HDAC9: variants seen among roughly 807,000 people sequenced by gnomAD.
HDAC9 encodes histone deacetylase 9, also known as MEF-2 interacting transcription repressor (MITR) protein.
HDAC9 carries 41 observed loss-of-function variants against 139.4 expected under a neutral mutation model. The ratio of observed to expected loss-of-function variants is 0.29; its 90% CI spans 0.23 to 0.38. HDAC9 has a LOEUF of 0.38. HDAC9 is among the 10% of genes least tolerant of loss of function. The pLI, the probability that HDAC9 is intolerant of heterozygous loss-of-function variation, is 1.00. For synonymous variants in HDAC9, 517 were observed against 476.2 expected, an observed-to-expected ratio of 1.09 and a Z score of -1.12; for missense variants, 1,147 against 1,297.0, an observed-to-expected ratio of 0.88 and a Z score of 1.78.
intron 15 of HDAC9, among the ~76,000 whole-genome samples, chr7:18,764,668 G>C (rs543649426): frequency 6.6e-6 from 1 of 152,190 alleles, no homozygotes; most frequent in African/African-American, 2.4e-5. Context: ...CCGGATTGAA[G>C]CTGCCATATG....
chr7:18,904,819 C>T, intron 22 of HDAC9, among the ~76,000 whole-genome samples: 1 of 152,086 alleles, frequency 6.6e-6, no homozygotes, highest in Non-Finnish European at 1.5e-5. Flanking sequence ...TCGTGATCCG[C>T]CCGCCTCGGC....
At chr7:18,589,754 T>C (rs918186035) in intron 3 of HDAC9, among the ~76,000 whole-genome samples, 1 of 152,172 alleles carries the variant, frequency 6.6e-6, no homozygotes, top group African/African-American at 2.4e-5. Flanking sequence ...TGAGAGACTA[T>C]ATGTATATAA....
chr7:18,338,010 T>C (rs1273246041), intron 1 of HDAC9, among the ~76,000 whole-genome samples: 1 of 151,758 alleles, frequency 6.6e-6, no homozygotes, highest in African/African-American at 2.4e-5. Flanking sequence ...TTGAAAAGTA[T>C]AGAGCACTGT....
chr7:18,435,057 G>GA (rs1482854301), intron 1 of HDAC9, among the ~76,000 whole-genome samples: 1 of 17,292 alleles, frequency 5.8e-5, no homozygotes, highest in Non-Finnish European at 1.1e-4. Context: ...ATACTACACA[G>GA]CCAAAAAAAA....
intron 2 of HDAC9, among the ~76,000 whole-genome samples, chr7:18,259,350 T>C (rs541021109): frequency 6.6e-6 from 1 of 152,152 alleles, no homozygotes; most frequent in East Asian, 1.9e-4. Flanking sequence ...ATTTTATTGA[T>C]ATATGAAGAC....
chr7:18,448,418 A>G (rs567248685), intron 1 of HDAC9, among the ~76,000 whole-genome samples: 37 of 152,298 alleles, frequency 2.4e-4, no homozygotes, highest in African/African-American at 8.4e-4. Flanking sequence ...AAAAAATATC[A>G]CCTTTGATCC....
chr7:18,556,548 A>T (rs1818870368), intron 2 of HDAC9, among the ~76,000 whole-genome samples: 1 of 152,084 alleles, frequency 6.6e-6, no homozygotes, highest in Non-Finnish European at 1.5e-5. Context: ...AATAATGTCT[A>T]TTGAATTTTC....
At chr7:18,741,115 C>G (rs906889165) in intron 13 of HDAC9, among the ~76,000 whole-genome samples, 1 of 152,146 alleles carries the variant, frequency 6.6e-6, no homozygotes, top group African/African-American at 2.4e-5. Flanking sequence ...GAAGCTACAA[C>G]ACGTTTTCCA....
intron 2 of HDAC9, among the ~76,000 whole-genome samples, chr7:18,272,962 C>CTAT (rs1796459969): frequency 7.1e-6 from 1 of 141,560 alleles, no homozygotes; most frequent in Non-Finnish European, 1.6e-5. Context: ...ACTACTACTA[C>CTAT]TACTATTTCT....
At chr7:18,332,542 G>A (rs955878339) in intron 1 of HDAC9, among the ~76,000 whole-genome samples, 2 of 151,524 alleles carry the variant, frequency 1.3e-5, no homozygotes, top group Non-Finnish European at 3.0e-5. Context: ...AATAAAAGAG[G>A]GGATGCATTG....
At chr7:18,965,523 G>C (rs1456223101) in intron 24 of HDAC9, among the ~76,000 whole-genome samples, 2 of 152,186 alleles carry the variant, frequency 1.3e-5, no homozygotes, top group African/African-American at 2.4e-5. Context: ...TAATTTATTT[G>C]CAGGTGCAGG....
intron 11 of HDAC9, among the ~76,000 whole-genome samples, chr7:18,663,351 C>T (rs1368068775): frequency 6.6e-6 from 1 of 151,972 alleles, no homozygotes; most frequent in East Asian, 1.9e-4. Flanking sequence ...ACAGAAGAGT[C>T]TTTTTACTTG....
chr7:18,421,281 T>TTTCCAAAATCTTTTA (rs1789590987), intron 1 of HDAC9, among the ~76,000 whole-genome samples: 1 of 152,068 alleles, frequency 6.6e-6, no homozygotes, highest in Non-Finnish European at 1.5e-5. Flanking sequence ...AAAACACTTC[T>TTTCCAAAATCTTTTA]TTCCAAAATC....
chr7:18,426,478 G>C lies in HDAC9; in HGVS notation c.-41-69784G>C, dbSNP rs540648662. On this transcript the variant is annotated intron_variant, in intron 1 of 3. Coordinates refer to the HDAC9 transcript ENST00000413509. The stretch of plus-strand genomic sequence containing the variant: ...CTATATAATTTACAATTGAATTGGC[G>C]CAAATTATTTACATACATTGAGGGC... Among the ~76,000 whole-genome samples the C allele has an allele frequency of 2.0e-5, 3 of 152,220 alleles. No homozygotes were observed. The South Asian group carries it at 6.2e-4, about 32-fold the overall frequency.
chr7:18,535,884 C>T (rs754952186), intron 2 of HDAC9, among the ~76,000 whole-genome samples: 2 of 152,022 alleles, frequency 1.3e-5, no homozygotes, highest in Admixed American at 6.5e-5. Context: ...TGAAACTCTA[C>T]AATAAAGAGG....
chr7:18,462,693 T>A (rs1793953983), intron 1 of HDAC9, among the ~76,000 whole-genome samples: 1 of 152,080 alleles, frequency 6.6e-6, no homozygotes, highest in Non-Finnish European at 1.5e-5. Context: ...TGATTCACAA[T>A]GTCGTTTATA....
intron 1 of HDAC9, among the ~76,000 whole-genome samples, chr7:18,160,160 A>C (rs1293232873): frequency 6.6e-6 from 1 of 152,230 alleles, no homozygotes; most frequent in African/African-American, 2.4e-5. Context: ...AAGATGAAAA[A>C]GATTTTTTAA....
At chr7:18,443,703 A>C (rs1157219364) in intron 1 of HDAC9, among the ~76,000 whole-genome samples, 4 of 152,110 alleles carry the variant, frequency 2.6e-5, no homozygotes, top group Non-Finnish European at 5.9e-5. Context: ...TTTGTAAAAT[A>C]GAATTCAAGA....
intron 1 of HDAC9, among the ~76,000 whole-genome samples, chr7:18,397,036 A>AGATCATC (rs1562950436): frequency 6.6e-6 from 1 of 152,138 alleles, no homozygotes; most frequent in Non-Finnish European, 1.5e-5. Flanking sequence ...GGAAAAAAAA[A>AGATCATC]GATCATCGTC....
Sources: allele counts gnomAD v4.1 joint callset (sites outside exome capture counted in the v4.1 genomes callset), GRCh38; gene constraint gnomAD v4.1.1; transcripts MANE v1.5; gene names NCBI Gene and HGNC (gene_info 2026-07-23, HGNC 2026-07-21).